The following PRKG1 variants were observed in gnomAD, a reference collection of about 807,000 sequenced individuals.
PRKG1 encodes protein kinase cGMP-dependent 1.
PRKG1 carries 35 observed loss-of-function variants against 88.1 expected under a neutral mutation model. That is an observed-to-expected ratio of 0.40 (90% CI 0.30 to 0.53). The LOEUF is 0.53. Ranked by LOEUF, PRKG1 falls within the 20% of genes least tolerant of loss-of-function variation. The pLI is 0.59. For synonymous variants in PRKG1, 303 were observed against 292.5 expected, an observed-to-expected ratio of 1.04 and a Z score of -0.37; for missense variants, 540 against 839.8, an observed-to-expected ratio of 0.64 and a Z score of 4.41.
rs530431974 is a variant in PRKG1 at position 51,491,878 on chromosome 10, A to G, written c.592+24042A>G. Among the ~76,000 whole-genome samples the G allele has an allele frequency of 2.0e-5, 3 of 152,230 alleles. No individual in the cohort carries two copies. The East Asian group carries it at 5.8e-4, about 29-fold the overall frequency. On this transcript the variant is annotated intron_variant, in intron 3 of 17. Transcript: ENST00000373980. ...CTTTATATACACTAAGTCTTGTAGAAGTCTTGTAGAAGTCATCCTATTTTG... is the reference window on the plus strand; with the variant it reads ...CTTTATATACACTAAGTCTTGTAGAGGTCTTGTAGAAGTCATCCTATTTTG...
intron 8 of PRKG1, among the ~76,000 whole-genome samples, chr10:52,134,997 C>T (rs1837366324): frequency 6.6e-6 from 1 of 152,030 alleles, no homozygotes; most frequent in African/African-American, 2.4e-5. Flanking sequence ...GAGAATCTCC[C>T]ATGTGCAAAG....
chr10:51,487,886 T>A (rs1353337200), intron 3 of PRKG1, among the ~76,000 whole-genome samples: 1 of 152,318 alleles, frequency 6.6e-6, no homozygotes, highest in South Asian at 2.1e-4. Context: ...GTTTGGAGAC[T>A]GTAGAGAGAT....
At chr10:51,204,410 C>G (rs966627318) in intron 2 of PRKG1, among the ~76,000 whole-genome samples, 9 of 148,386 alleles carry the variant, frequency 6.1e-5, no homozygotes, top group Non-Finnish European at 1.3e-4. Flanking sequence ...GTACACATTT[C>G]TTGTGCTCCC....
At chr10:51,389,612 C>T (rs1390481305) in intron 2 of PRKG1, among the ~76,000 whole-genome samples, 35 of 152,012 alleles carry the variant, frequency 2.3e-4, no homozygotes, top group Non-Finnish European at 4.4e-5. Context: ...CCTTGGCCAA[C>T]TTAGTTAAGC....
intron 8 of PRKG1, 50 bp downstream of exon 8, chr10:52,133,955 A>T (rs1292957926): frequency 7.0e-7 from 1 of 1,420,412 alleles, no homozygotes; most frequent in South Asian, 1.2e-5. Flanking sequence ...TCAGCAACAC[A>T]CATGAGTTCT....
intron 3 of PRKG1, among the ~76,000 whole-genome samples, chr10:51,785,419 T>C (rs1414193689): frequency 6.6e-6 from 1 of 152,026 alleles, no homozygotes; most frequent in Non-Finnish European, 1.5e-5. Flanking sequence ...TGGAAAACAC[T>C]GATCAGGGAA....
At chr10:51,976,935 G>A (rs188342883) in intron 5 of PRKG1, among the ~76,000 whole-genome samples, 1 of 152,018 alleles carries the variant, frequency 6.6e-6, no homozygotes, top group Non-Finnish European at 1.5e-5. Context: ...TATATTGAAT[G>A]TTTCTGAAAA....
intron 17 of PRKG1, among the ~76,000 whole-genome samples, chr10:52,293,384 C>T (rs1013198023): frequency 1.3e-5 from 2 of 151,510 alleles, no homozygotes; most frequent in African/African-American, 4.9e-5. Context: ...CTACCAATGA[C>T]TTTCTTCACA....
At chr10:51,501,356 C>A (rs1432289308) in intron 3 of PRKG1, among the ~76,000 whole-genome samples, 1 of 152,138 alleles carries the variant, frequency 6.6e-6, no homozygotes, top group African/African-American at 2.4e-5. Flanking sequence ...AGTGCTTGGA[C>A]TGAATCTAGA....
chr10:51,136,455 T>C (rs1260938476), intron 1 of PRKG1, among the ~76,000 whole-genome samples: 3 of 151,848 alleles, frequency 2.0e-5, no homozygotes, highest in Non-Finnish European at 2.9e-5. Flanking sequence ...ATATGTTAAA[T>C]GAAAAGATTT....
intron 3 of PRKG1, among the ~76,000 whole-genome samples, chr10:51,687,786 C>T (rs1356445452): frequency 6.6e-6 from 1 of 152,130 alleles, no homozygotes; most frequent in Non-Finnish European, 1.5e-5. Flanking sequence ...CAATTCAATA[C>T]AACTTCTTCT....
At chr10:52,160,593 C>T (rs189512684) in intron 8 of PRKG1, among the ~76,000 whole-genome samples, 25 of 152,034 alleles carry the variant, frequency 1.6e-4, no homozygotes, top group Admixed American at 1.4e-3. Context: ...TTCCCCTCCA[C>T]CCACCCCAAG....
intron 1 of PRKG1, among the ~76,000 whole-genome samples, chr10:51,125,972 T>A (rs1363902586): frequency 2.4e-5 from 3 of 127,620 alleles, no homozygotes; most frequent in African/African-American, 9.3e-5. Context: ...AATATATAAT[T>A]ATATATACAT....
At chr10:51,482,339 A>G (rs969853619) in intron 3 of PRKG1, among the ~76,000 whole-genome samples, 4 of 152,174 alleles carry the variant, frequency 2.6e-5, no homozygotes, top group South Asian at 2.1e-4. Context: ...TAGATACTTA[A>G]TGAATGTCTA....
At chr10:51,794,467 A>G (rs1041144724) in intron 3 of PRKG1, among the ~76,000 whole-genome samples, 2 of 152,188 alleles carry the variant, frequency 1.3e-5, no homozygotes, top group African/African-American at 4.8e-5. Context: ...AATTAATTTT[A>G]ACAAATTTTA....
At chr10:51,333,686 C>T (rs1016124242) in intron 2 of PRKG1, among the ~76,000 whole-genome samples, 2 of 152,176 alleles carry the variant, frequency 1.3e-5, no homozygotes, top group Non-Finnish European at 2.9e-5. Context: ...TACTGAAGTG[C>T]AAGGCAGCTT....
chr10:51,427,272 C>T (rs1454181468), intron 2 of PRKG1, among the ~76,000 whole-genome samples: 1 of 152,092 alleles, frequency 6.6e-6, no homozygotes, highest in Admixed American at 6.6e-5. Flanking sequence ...AGAAGCAAAA[C>T]CCACAGCTCT....
At chr10:51,047,109 T>G (rs1299687248) in intron 1 of PRKG1, among the ~76,000 whole-genome samples, 1 of 152,102 alleles carries the variant, frequency 6.6e-6, no homozygotes, top group South Asian at 2.1e-4. Context: ...CATTGTAGAG[T>G]GTTTCCTTCT....
chr10:51,739,799 C>T (rs189203343), intron 3 of PRKG1, among the ~76,000 whole-genome samples: 132 of 152,160 alleles, frequency 8.7e-4, no homozygotes, highest in African/African-American at 3.1e-3. Context: ...TGGTGAAACC[C>T]TGTCTCTATT....
Sources: allele counts gnomAD v4.1 joint callset (sites outside exome capture counted in the v4.1 genomes callset), GRCh38; gene constraint gnomAD v4.1.1; transcripts MANE v1.5; gene names NCBI Gene and HGNC (gene_info 2026-07-23, HGNC 2026-07-21).